Variants in TINAG observed in about 807,000 individuals in gnomAD.
TINAG encodes the protein tubulointerstitial nephritis antigen.
TINAG carries 83 observed loss-of-function variants against 72.7 expected under a neutral mutation model. The ratio of observed to expected loss-of-function variants is 1.14; its 90% CI spans 0.96 to 1.37. The LOEUF (loss-of-function observed/expected upper bound fraction) is 1.37. Ranked by LOEUF, TINAG falls within the 40% of genes most tolerant of loss-of-function variation. The pLI is 0.00. For missense variants in TINAG, 685 were observed against 576.6 expected (o/e 1.19, Z -1.93); for synonymous variants, 234 against 189.9 (o/e 1.23, Z -1.91).
chr6:54,333,978 G>A (rs1784803186), intron 4 of TINAG, among the ~76,000 whole-genome samples: 1 of 152,098 alleles, frequency 6.6e-6, no homozygotes, highest in Non-Finnish European at 1.5e-5. Context: ...ATTACCTCCA[G>A]TTTTCTAGCA....
chr6:54,364,629 A>T (rs936741775), intron 9 of TINAG, among the ~76,000 whole-genome samples: 5 of 151,458 alleles, frequency 3.3e-5, no homozygotes, highest in African/African-American at 9.7e-5. Flanking sequence ...AAAATAAAAA[A>T]GTAATTATGT....
chr6:54,346,448 TAAC>T (rs1785123145), intron 5 of TINAG, among the ~76,000 whole-genome samples: 4 of 151,676 alleles, frequency 2.6e-5, no homozygotes, highest in Admixed American at 2.6e-4. Flanking sequence ...TGATATTAGT[TAAC>T]AATATGATAG....
intron 1 of TINAG, among the ~76,000 whole-genome samples, chr6:54,316,251 GC>G: frequency 6.6e-6 from 1 of 152,306 alleles, no homozygotes; most frequent in South Asian, 2.1e-4. Flanking sequence ...GAGTACAGGT[GC>G]TTTTGAGTTT....
chr6:54,368,017 A>C (rs1375755590), intron 9 of TINAG, among the ~76,000 whole-genome samples: 2 of 151,508 alleles, frequency 1.3e-5, no homozygotes, highest in African/African-American at 4.8e-5. Context: ...ACCTCCTAAT[A>C]CCATTGCAAT....
At chr6:54,324,869 A>T (rs1784568667) in intron 3 of TINAG, among the ~76,000 whole-genome samples, 1 of 152,212 alleles carries the variant, frequency 6.6e-6, no homozygotes, top group African/African-American at 2.4e-5. Context: ...AGAAATTCTC[A>T]ATGGTACTCC....
chr6:54,381,462 G>A (rs908135146), intron 10 of TINAG, among the ~76,000 whole-genome samples: 2 of 151,660 alleles, frequency 1.3e-5, no homozygotes, highest in Non-Finnish European at 2.9e-5. Flanking sequence ...AAAGCACTAG[G>A]TGCTAGAACT....
intron 10 of TINAG, 43 bp from the exon 11 acceptor site, chr6:54,389,747 CA>C: frequency 6.5e-7 from 1 of 1,539,648 alleles, no homozygotes; most frequent in Middle Eastern, 1.7e-4. Context: ...TAAAAAATAC[CA>C]AAGTATGTTT....
At chr6:54,374,226 C>T (rs990187533) in intron 9 of TINAG, among the ~76,000 whole-genome samples, 1 of 152,074 alleles carries the variant, frequency 6.6e-6, no homozygotes, top group Non-Finnish European at 1.5e-5. Context: ...GTTAGGTACA[C>T]AGGATCATGT....
intron 9 of TINAG, among the ~76,000 whole-genome samples, chr6:54,364,951 T>C (rs933233726): frequency 2.0e-5 from 3 of 151,574 alleles, no homozygotes; most frequent in Non-Finnish European, 4.4e-5. Context: ...AATTACAAAT[T>C]ATTTGACATA....
chr6:54,331,691 A>T (rs1784745978), intron 4 of TINAG, among the ~76,000 whole-genome samples: 1 of 152,216 alleles, frequency 6.6e-6, no homozygotes, highest in African/African-American at 2.4e-5. Context: ...AGATGACATG[A>T]TTGCATATTT....
chr6:54,347,403 G>A lies in TINAG; in HGVS notation c.785G>A (p.Gly262Asp), dbSNP rs748507820. The A allele has an allele frequency of 6.2e-7, 1 of 1,613,148 alleles. No individual in the cohort carries two copies. The highest frequency in any genetic ancestry group is 8.5e-7 in the Non-Finnish European group (1 of 1,179,516). The change falls in exon 6 of 11, where the codon GGT becomes GAT. Residue 262 changes from glycine to aspartate, a missense_variant. Gly to Asp is a moderately conservative substitution (Grantham distance 94). Transcript: ENST00000259782. ...AADRIAIQSK[G>D]RYTANLSPQN... ...GACCGAATAGCAATTCAGTCTAAGGGTCGATACACGGCCAATCTATCCCCT... is the reference window on the plus strand; with the variant it reads ...GACCGAATAGCAATTCAGTCTAAGGATCGATACACGGCCAATCTATCCCCT...
chr6:54,364,778 A>G (rs796340260), intron 9 of TINAG, among the ~76,000 whole-genome samples: 26 of 151,532 alleles, frequency 1.7e-4, no homozygotes, highest in African/African-American at 6.3e-4. Flanking sequence ...ATATCTATCT[A>G]TCTATCTATC....
chr6:54,356,143 C>A (rs1268300918), intron 9 of TINAG, among the ~76,000 whole-genome samples: 2 of 151,856 alleles, frequency 1.3e-5, no homozygotes, highest in African/African-American at 4.8e-5. Context: ...TTATATGGAA[C>A]AAGGTGCTTG....
chr6:54,348,510 C>T (rs907210202), intron 6 of TINAG, among the ~76,000 whole-genome samples: 3 of 152,034 alleles, frequency 2.0e-5, no homozygotes, highest in African/African-American at 7.2e-5. Context: ...GTGGAGGCTG[C>T]AAAATCCAGG....
At chr6:54,357,053 A>G (rs1193166116) in intron 9 of TINAG, among the ~76,000 whole-genome samples, 3 of 151,840 alleles carry the variant, frequency 2.0e-5, no homozygotes, top group African/African-American at 7.2e-5. Flanking sequence ...CTTAAACTGC[A>G]CCAATCATGT....
chr6:54,343,115 G>T (rs1172541280), intron 4 of TINAG, 111 bp from the exon 5 acceptor site: 10 of 965,672 alleles, frequency 1.0e-5, no homozygotes, highest in African/African-American at 1.7e-5. Context: ...TGGAAACTTG[G>T]ATGTATAAAA....
chr6:54,347,507 A>G lies in TINAG; in HGVS notation c.889A>G (p.Arg297Gly). The G allele has an allele frequency of 6.2e-7, 1 of 1,612,746 alleles. No individual in the cohort carries two copies. ...CATCGATAGGGCTTGGTGGTACCTGAGAAAACGTGGGTAAATAGCTGCTCA... is the reference window on the plus strand; with the variant it reads ...CATCGATAGGGCTTGGTGGTACCTGGGAAAACGTGGGTAAATAGCTGCTCA... ...GSIDRAWWYLRKRGLVSHACY... is the reference protein window; with the variant it reads ...GSIDRAWWYLGKRGLVSHACY... Residue 297 changes from arginine to glycine, a missense_variant, in exon 6 of 11, where the codon AGA becomes GGA. Physicochemically the swap from Arg to Gly is moderately radical, Grantham distance 125. Coordinates refer to ENST00000259782, the MANE Select transcript of TINAG (RefSeq NM_014464.4).
At chr6:54,308,197 T>G, upstream of TINAG, 1 of 1,383,728 alleles carries the variant, frequency 7.2e-7, no homozygotes, top group South Asian at 1.3e-5. Context: ...TAAGGAGGCT[T>G]TCGATTTAAG....
chr6:54,367,978 TTCA>T (rs1763485023), intron 9 of TINAG, among the ~76,000 whole-genome samples: 1 of 151,664 alleles, frequency 6.6e-6, no homozygotes, highest in Non-Finnish European at 1.5e-5. Flanking sequence ...AGATTCCACC[TTCA>T]TCAAGTAATC....
Sources: allele counts gnomAD v4.1 joint callset (sites outside exome capture counted in the v4.1 genomes callset), GRCh38; gene constraint gnomAD v4.1.1; transcripts MANE v1.5; gene names NCBI Gene and HGNC (gene_info 2026-07-23, HGNC 2026-07-21).